The following WDR44 variants were observed in gnomAD, a reference collection of about 807,000 sequenced individuals.
WDR44 encodes the protein WD repeat domain 44.
Under a neutral mutation model 65.7 loss-of-function variants are expected in WDR44, and 9 were observed. That is an observed-to-expected ratio of 0.14 (90% confidence interval 0.08 to 0.24). The LOEUF (loss-of-function observed/expected upper bound fraction) is 0.24. WDR44 is among the 10% of genes least tolerant of loss of function. The probability of loss-of-function intolerance (pLI) is 1.00; values close to 1 mark genes in which losing one functional copy is unlikely to be tolerated. For synonymous variants in WDR44, 220 were observed against 235.2 expected (o/e 0.94, Z 0.59); for missense variants, 425 against 670.9 (o/e 0.63, Z 4.05).
At chrX:118,446,420 A>T (rs1253261116) in intron 19 of WDR44, among the ~76,000 whole-genome samples, 1 of 111,663 alleles carries the variant, frequency 9.0e-6, no homozygotes, top group Non-Finnish European at 1.9e-5. Context: ...CAACTCAAAA[A>T]ATATATATAT....
intron 12 of WDR44, among the ~76,000 whole-genome samples, chrX:118,420,298 C>T (rs1341875184): frequency 9.0e-6 from 1 of 110,946 alleles, no homozygotes; most frequent in Non-Finnish European, 1.9e-5. Context: ...GTCGCCGAGG[C>T]TGGAGTGCAG....
chrX:118,389,436 C>T (rs2056799136), intron 3 of WDR44, among the ~76,000 whole-genome samples: 1 of 111,371 alleles, frequency 9.0e-6, no homozygotes, highest in Non-Finnish European at 1.9e-5. Context: ...TTTGGACAGG[C>T]TAGGCCGGGC....
intron 12 of WDR44, among the ~76,000 whole-genome samples, chrX:118,427,506 G>A (rs2057167992): frequency 1.9e-5 from 2 of 107,558 alleles, no homozygotes; most frequent in Non-Finnish European, 3.8e-5. Flanking sequence ...TCCTGACCTC[G>A]TGATCTGCCC....
chrX:118,388,455 A>G (rs2056790216), intron 3 of WDR44, among the ~76,000 whole-genome samples: 1 of 110,746 alleles, frequency 9.0e-6, no homozygotes, highest in Non-Finnish European at 1.9e-5. Context: ...TAATTTTTGT[A>G]TATTTTATAG....
intron 1 of WDR44, among the ~76,000 whole-genome samples, chrX:118,352,920 A>G (rs1279459601): frequency 8.9e-6 from 1 of 111,734 alleles, no homozygotes; most frequent in Non-Finnish European, 1.9e-5. Flanking sequence ...ATTTTGATAC[A>G]CATGTTCACA....
chrX:118,417,514 A>G (rs1454803255), intron 12 of WDR44, among the ~76,000 whole-genome samples: 2 of 111,877 alleles, frequency 1.8e-5, no homozygotes, highest in African/African-American at 6.5e-5. Flanking sequence ...TAGGGCCCCA[A>G]TCCCTTCTAG....
rs180982372 is a variant in WDR44, at chrX:118,430,882, C to G, written c.1738-1899C>G. Among the ~76,000 whole-genome samples, 12 of 111,567 alleles carry G rather than the reference C, an allele frequency of 1.1e-4. No individual in the cohort carries two copies. The East Asian group carries it at 3.4e-3, about 32-fold the overall frequency. ...GAGGGAAGCCTGTTTAGCTGTATGT[C>G]TCCCAGCAGTGCTCACTAGTCTGGT... On this transcript the variant is annotated intron_variant, in intron 12 of 19. Transcript: ENST00000254029.
At chrX:118,438,539 A>G (rs1314363192) in intron 14 of WDR44, among the ~76,000 whole-genome samples, 1 of 109,371 alleles carries the variant, frequency 9.1e-6, no homozygotes, top group African/African-American at 3.3e-5. Flanking sequence ...CTCGGGTGAT[A>G]CTCCTGCCTC....
chrX:118,407,578 AAAGGCACCAAACTTT>A (rs1252620994), intron 10 of WDR44, among the ~76,000 whole-genome samples: 16 of 112,293 alleles, frequency 1.4e-4, no homozygotes, highest in Admixed American at 6.6e-4. Context: ...AAAGCTATGC[AAAGGCACCAAACTTT>A]AAAGCAGTTA....
In WDR44 at chrX:118,424,323, G is replaced by GTATATATA. The variant is rs1171699587; in HGVS notation, c.1738-8440_1738-8433dup. On this transcript the variant is annotated intron_variant, in intron 12 of 19. Transcript: ENST00000254029. ...TGTATATATATATATGTGTGTGTGT[G>GTATATATA]TATATATATATATATATATATATAT... Among the ~76,000 whole-genome samples, 109 of 65,547 alleles carry GTATATATA rather than the reference G, an allele frequency of 1.7e-3. 1 individual carries two copies. Among genetic ancestry groups the GTATATATA allele is most frequent in the African/African-American group, 7.4e-3 (75 of 10,090 alleles). 56.9% of individuals were successfully genotyped at this position (65,547 alleles called of 115,157 possible). A position where few individuals can be genotyped will look rare whatever the true frequency, so the allele number is the denominator to read the frequency against.
intron 12 of WDR44, among the ~76,000 whole-genome samples, chrX:118,419,106 C>T (rs1202436767): frequency 9.0e-6 from 1 of 111,310 alleles, no homozygotes; most frequent in Non-Finnish European, 1.9e-5. Context: ...CCAGGCTACT[C>T]ACCTCCCAGC....
intron 1 of WDR44, among the ~76,000 whole-genome samples, chrX:118,353,175 G>A (rs767722831): frequency 1.6e-3 from 176 of 111,451 alleles, no homozygotes; most frequent in African/African-American, 5.6e-3. Flanking sequence ...CTTTAATAGG[G>A]TGCTTTCCTT....
intron 1 of WDR44, among the ~76,000 whole-genome samples, chrX:118,368,463 A>ATG (rs1160315484): frequency 1.1e-5 from 1 of 93,629 alleles, no homozygotes; most frequent in Non-Finnish European, 2.0e-5. Flanking sequence ...TAGTGACTAT[A>ATG]TATATATATA....
Position 118,387,538 on chromosome X carries a change from T to C in WDR44, c.186+124T>C, listed in dbSNP as rs2056782303. On this transcript the variant is annotated intron_variant, in intron 3 of 19. Coordinates refer to ENST00000254029, the MANE Select transcript of WDR44 (RefSeq NM_019045.5). ...ACATGGCTGATGTTCAGCAAATGTT[T>C]CATGAATCTGTCACATTTGTGGTTG... 3 of 370,425 alleles carry C rather than the reference T, an allele frequency of 8.1e-6. No individual in the cohort carries two copies. In the South Asian group the frequency reaches 4.0e-4, roughly 50 times the overall value. 30.5% of individuals were successfully genotyped at this position (370,425 alleles called of 1,213,427 possible). A position where few individuals can be genotyped will look rare whatever the true frequency, so the allele number is the denominator to read the frequency against.
At chrX:118,386,103 G>A (rs1226476376) in intron 2 of WDR44, among the ~76,000 whole-genome samples, 1 of 111,313 alleles carries the variant, frequency 9.0e-6, no homozygotes, top group African/African-American at 3.3e-5. Context: ...TCATTATTGA[G>A]CCTATTGTGA....
rs1212110428 is a variant in WDR44 at position 118,449,406 on chromosome X, G to C, written c.*419G>C. On this transcript the variant is annotated 3_prime_UTR_variant, in exon 20 of 20. Coordinates refer to ENST00000254029, the MANE Select transcript of WDR44 (RefSeq NM_019045.5). The stretch of plus-strand genomic sequence containing the variant: ...TTCTAGCTTAAACAATTTTTTTTTT[G>C]CACAAAATTTCATTTTTAATAAAAG... The C allele has an allele frequency of 9.2e-6, 1 of 108,978 alleles. No homozygotes were observed. The highest frequency in any genetic ancestry group is 1.9e-5 in the Non-Finnish European group (1 of 52,396). The allele number at this position is 108,978 out of a possible 1,213,427, so 9.0% of individuals were successfully genotyped here.
intron 1 of WDR44, among the ~76,000 whole-genome samples, chrX:118,356,158 A>C (rs1008741832): frequency 2.7e-5 from 3 of 112,419 alleles, no homozygotes; most frequent in Non-Finnish European, 5.6e-5. Flanking sequence ...ACTGTTTCAA[A>C]CAATGAAAAG....
chrX:118,430,371 G>A (rs753435304), intron 12 of WDR44, among the ~76,000 whole-genome samples: 38 of 105,114 alleles, frequency 3.6e-4, no homozygotes, highest in Non-Finnish European at 4.7e-4. Context: ...GTGAAACGCC[G>A]TCTCTACCAA....
chrX:118,386,952 T>C (rs770250042), intron 2 of WDR44, among the ~76,000 whole-genome samples: 2 of 109,706 alleles, frequency 1.8e-5, no homozygotes, highest in South Asian at 7.8e-4. Flanking sequence ...GAGGCTGAGG[T>C]GGGTAGATCA....
Sources: allele counts gnomAD v4.1 joint callset (sites outside exome capture counted in the v4.1 genomes callset), GRCh38; gene constraint gnomAD v4.1.1; transcripts MANE v1.5; gene names NCBI Gene and HGNC (gene_info 2026-07-23, HGNC 2026-07-21).